BTBD10: variants seen among roughly 807,000 people sequenced by gnomAD.
BTBD10 encodes BTB/POZ domain-containing protein 10.
In BTBD10, 21 loss-of-function variants were observed where a neutral mutation model predicts 53.2. That is an observed-to-expected ratio of 0.39 (90% CI 0.28 to 0.57). The LOEUF (loss-of-function observed/expected upper bound fraction) is 0.57, where lower values mean the gene tolerates loss of function less well. Ranked by LOEUF, BTBD10 falls within the 20% of genes least tolerant of loss-of-function variation. The pLI, the probability that BTBD10 is intolerant of heterozygous loss-of-function variation, is 0.53. For missense variants in BTBD10, 360 were observed against 594.7 expected (o/e 0.61, Z 4.10); for synonymous variants, 149 against 192.7 (o/e 0.77, Z 1.88).
intron 2 of BTBD10, chr11:13,440,354 C>T (rs1042041487): frequency 2.1e-5 from 22 of 1,044,614 alleles, no homozygotes; most frequent in Middle Eastern, 8.6e-4. Flanking sequence ...CATAACAAAA[C>T]GCAGGAGTTG....
intron 1 of BTBD10, among the ~76,000 whole-genome samples, chr11:13,455,007 T>C (rs999211631): frequency 6.6e-6 from 1 of 152,096 alleles, no homozygotes; most frequent in Non-Finnish European, 1.5e-5. Context: ...GCCTCCCGGG[T>C]TCAAGCAATT....
chr11:13,435,981 GC>G (rs1950537645), intron 2 of BTBD10, among the ~76,000 whole-genome samples: 1 of 152,106 alleles, frequency 6.6e-6, no homozygotes, highest in African/African-American at 2.4e-5. Flanking sequence ...TCTATCAGAG[GC>G]CCTTTGATGT....
chr11:13,416,706 T>C (rs552663197), intron 5 of BTBD10, among the ~76,000 whole-genome samples: 1 of 152,134 alleles, frequency 6.6e-6, no homozygotes, highest in East Asian at 1.9e-4. Flanking sequence ...CATGGCATGG[T>C]GGCTCAATGC....
chr11:13,395,098 G>GCTGT (rs1200239099), intron 8 of BTBD10, among the ~76,000 whole-genome samples: 1 of 146,918 alleles, frequency 6.8e-6, no homozygotes, highest in African/African-American at 2.5e-5. Context: ...TCTAGTTCTA[G>GCTGT]ATCCATGAGG....
chr11:13,438,028 T>C (rs1329374617), intron 2 of BTBD10, among the ~76,000 whole-genome samples: 2 of 152,262 alleles, frequency 1.3e-5, no homozygotes, highest in East Asian at 3.9e-4. Context: ...TATTTCTATT[T>C]CTGTTAGAGG....
intron 5 of BTBD10, among the ~76,000 whole-genome samples, chr11:13,414,936 T>C (rs549474783): frequency 6.6e-6 from 1 of 151,632 alleles, no homozygotes; most frequent in East Asian, 1.9e-4. Context: ...CTAAGGTTGC[T>C]GCATCAATGG....
chr11:13,454,984 C>T (rs1950933196), intron 1 of BTBD10, among the ~76,000 whole-genome samples: 1 of 152,208 alleles, frequency 6.6e-6, no homozygotes, highest in African/African-American at 2.4e-5. Context: ...AATCTCAGCT[C>T]ACTGCAACCT....
intron 1 of BTBD10, among the ~76,000 whole-genome samples, chr11:13,460,032 A>G (rs1340984500): frequency 3.3e-5 from 5 of 152,268 alleles, no homozygotes; most frequent in African/African-American, 1.2e-4. Flanking sequence ...TAACTCTTCA[A>G]CAGGAGCACC....
intron 2 of BTBD10, among the ~76,000 whole-genome samples, chr11:13,423,544 A>T (rs1407236403): frequency 6.6e-6 from 1 of 152,214 alleles, no homozygotes; most frequent in Non-Finnish European, 1.5e-5. Context: ...CACAGCATTT[A>T]GTAGAAACGC....
intron 2 of BTBD10, among the ~76,000 whole-genome samples, chr11:13,441,098 C>T (rs1487771851): frequency 6.6e-6 from 1 of 152,026 alleles, no homozygotes; most frequent in Non-Finnish European, 1.5e-5. Context: ...AACTTATAAA[C>T]AAATTCAGTA....
At chr11:13,449,578 A>G (rs1288848593) in intron 1 of BTBD10, among the ~76,000 whole-genome samples, 1 of 152,110 alleles carries the variant, frequency 6.6e-6, no homozygotes, top group African/African-American at 2.4e-5. Flanking sequence ...CATCCAGCCT[A>G]CTAAAATCTT....
intron 2 of BTBD10, among the ~76,000 whole-genome samples, chr11:13,438,150 A>C (rs2134015476): frequency 6.6e-6 from 1 of 152,218 alleles, no homozygotes; most frequent in East Asian, 1.9e-4. Context: ...CTTACATTAA[A>C]TGTAATATAA....
chr11:13,407,072 C>T (rs150383228), intron 6 of BTBD10, among the ~76,000 whole-genome samples: 89 of 151,974 alleles, frequency 5.9e-4, no homozygotes, highest in African/African-American at 2.0e-3. Flanking sequence ...CTTATTTGAC[C>T]TCTCAGTTTA....
intron 2 of BTBD10, among the ~76,000 whole-genome samples, chr11:13,424,302 G>A (rs977459620): frequency 2.6e-5 from 4 of 152,150 alleles, no homozygotes; most frequent in African/African-American, 4.8e-5. Flanking sequence ...TTAAAAAAGC[G>A]TTTTCACCAG....
rs1951096258 is a variant in BTBD10, at chr11:13,461,529, T to TA, written c.-58+1562_-58+1563insT. Among the ~76,000 whole-genome samples the TA allele has an allele frequency of 3.9e-5, 6 of 152,318 alleles. No homozygotes were observed. In the South Asian group the frequency reaches 1.2e-3, roughly 32 times the overall value. On this transcript the variant is annotated intron_variant, in intron 1 of 8. Coordinates refer to ENST00000278174, the MANE Select transcript of BTBD10 (RefSeq NM_032320.7). The stretch of plus-strand genomic sequence containing the variant: ...AATATTTTCCATATCACTTCCATAC[T>TA]TCCCTAAGTCACCTATTATAAAAAG...
At chr11:13,398,139 G>A (rs1949606228) in intron 8 of BTBD10, among the ~76,000 whole-genome samples, 1 of 152,068 alleles carries the variant, frequency 6.6e-6, no homozygotes, top group South Asian at 2.1e-4. Flanking sequence ...GTTGACAGTG[G>A]GGTGTTAAAG....
intron 6 of BTBD10, among the ~76,000 whole-genome samples, chr11:13,411,195 C>A (rs530113560): frequency 6.6e-6 from 1 of 152,188 alleles, no homozygotes; most frequent in Admixed American, 6.5e-5. Context: ...GACACAAAGT[C>A]AAAAAGATAC....
chr11:13,409,708 A>G (rs1172372279), intron 6 of BTBD10, among the ~76,000 whole-genome samples: 1 of 152,128 alleles, frequency 6.6e-6, no homozygotes, highest in Non-Finnish European at 1.5e-5. Flanking sequence ...ATGATTCTCC[A>G]CAGACCCTTT....
intron 7 of BTBD10, among the ~76,000 whole-genome samples, chr11:13,404,278 G>C (rs556810374): frequency 1.1e-4 from 17 of 152,032 alleles, no homozygotes; most frequent in Non-Finnish European, 1.9e-4. Context: ...CTTTATGTTG[G>C]ATCATCTTGA....
Sources: gnomAD v4.1 joint callset for allele counts (sites outside exome capture counted in the v4.1 genomes callset) on GRCh38, gnomAD v4.1.1 for gene constraint, MANE v1.5 for transcripts, NCBI Gene and HGNC (gene_info 2026-07-23, HGNC 2026-07-21) for gene names.